STPG2: variants seen among roughly 807,000 people sequenced by gnomAD.
STPG2 encodes the protein sperm-tail PG-rich repeat-containing protein 2.
In STPG2, 56 loss-of-function variants were observed where a neutral mutation model predicts 54.2. That is an observed-to-expected ratio of 1.03 (90% CI 0.83 to 1.29). The LOEUF is 1.29. Among genes scored for constraint, STPG2 ranks in the 50% most tolerant of loss-of-function variants. The pLI, the probability that STPG2 is intolerant of heterozygous loss-of-function variation, is 0.00. For synonymous variants in STPG2, 200 were observed against 181.8 expected (o/e 1.10, Z -0.81); for missense variants, 596 against 544.9 (o/e 1.09, Z -0.93).
intron 4 of STPG2, among the ~76,000 whole-genome samples, chr4:97,538,456 A>C (rs1283803389): frequency 6.6e-6 from 1 of 152,244 alleles, no homozygotes; most frequent in Non-Finnish European, 1.5e-5. Flanking sequence ...TCGAAGATCA[A>C]ATGAATGAAA....
intron 4 of STPG2, among the ~76,000 whole-genome samples, chr4:97,506,467 G>C (rs115841178): frequency 6.6e-6 from 1 of 151,804 alleles, no homozygotes; most frequent in South Asian, 2.1e-4. Context: ...TGAAAAAATT[G>C]ATGTCAATAA....
At chr4:97,980,136 GA>G (rs150550239) in intron 6 of STPG2, among the ~76,000 whole-genome samples, 1,558 of 152,190 alleles carry the variant, frequency 0.01, 30 homozygotes, top group African/African-American at 0.036. Context: ...AGTGAACTAT[GA>G]TCATGCCACT....
intron 5 of STPG2, among the ~76,000 whole-genome samples, chr4:98,011,136 G>A (rs1422977172): frequency 6.6e-6 from 1 of 151,998 alleles, no homozygotes; most frequent in Non-Finnish European, 1.5e-5. Context: ...ACAGGCCCCA[G>A]TGTGTGTTTT....
chr4:97,568,791 T>C (rs1277135513), intron 10 of STPG2, among the ~76,000 whole-genome samples: 1 of 151,962 alleles, frequency 6.6e-6, no homozygotes, highest in Non-Finnish European at 1.5e-5. Context: ...CAACAAATGA[T>C]GGGTAGAGGC....
chr4:98,081,629 A>T (rs530447164), intron 5 of STPG2, among the ~76,000 whole-genome samples: 4 of 152,210 alleles, frequency 2.6e-5, no homozygotes, highest in Non-Finnish European at 5.9e-5. Flanking sequence ...GACGTGGCTA[A>T]ACACTTCATT....
At chr4:97,467,754 A>G (rs915458508) in intron 4 of STPG2, among the ~76,000 whole-genome samples, 14 of 151,866 alleles carry the variant, frequency 9.2e-5, no homozygotes, top group Non-Finnish European at 1.9e-4. Context: ...AAATAATTAG[A>G]TAGAGAGCAA....
intron 4 of STPG2, among the ~76,000 whole-genome samples, chr4:97,512,023 C>T (rs927543653): frequency 3.9e-5 from 6 of 151,908 alleles, no homozygotes; most frequent in African/African-American, 1.5e-4. Flanking sequence ...GCTGTTTTTT[C>T]AACTTTTTTT....
downstream of STPG2, among the ~76,000 whole-genome samples, chr4:97,555,205 G>A (rs974856714): frequency 6.6e-6 from 1 of 152,046 alleles, no homozygotes; most frequent in African/African-American, 2.4e-5. Context: ...GAGAACTATG[G>A]TAATTAAGCC....
At chr4:98,077,731 A>T (rs546218611) in intron 5 of STPG2, among the ~76,000 whole-genome samples, 1 of 152,316 alleles carries the variant, frequency 6.6e-6, no homozygotes, top group African/African-American at 2.4e-5. Flanking sequence ...ATAAATCCTA[A>T]GTGTCCAATT....
In STPG2 at chr4:97,604,280, AG is replaced by A. The variant is rs1197641783; in HGVS notation, c.1321-45164del. ...AGATGACATTTCAAAAATATTTTAT[AG>A]TATATCCACATTGAATTGAACTGGG... On this transcript the variant is annotated intron_variant, in intron 10 of 10. Coordinates refer to ENST00000295268, the MANE Select transcript of STPG2 (RefSeq NM_174952.3). Among the ~76,000 whole-genome samples, 3 of 151,838 alleles carry A rather than the reference AG, an allele frequency of 2.0e-5. No individual in the cohort carries two copies. In the East Asian group the frequency reaches 5.8e-4, roughly 29 times the overall value.
intron 5 of STPG2, among the ~76,000 whole-genome samples, chr4:98,032,856 C>T (rs1444216479): frequency 1.3e-5 from 2 of 152,012 alleles, no homozygotes; most frequent in African/African-American, 4.8e-5. Context: ...GGGTAAATAA[C>T]AAAATGAAGG....
intron 5 of STPG2, among the ~76,000 whole-genome samples, chr4:98,018,238 A>G (rs931435760): frequency 1.3e-5 from 2 of 151,912 alleles, no homozygotes; most frequent in African/African-American, 4.8e-5. Flanking sequence ...TCATTATTCA[A>G]TTCCCACCTA....
At chr4:97,707,442 G>A (rs192522799) in intron 10 of STPG2, among the ~76,000 whole-genome samples, 50 of 152,110 alleles carry the variant, frequency 3.3e-4, no homozygotes, top group Middle Eastern at 3.4e-3. Flanking sequence ...AATTACTTGC[G>A]CCTAGGAGGT....
chr4:98,112,159 G>A (rs528526539), intron 3 of STPG2, among the ~76,000 whole-genome samples: 2 of 152,042 alleles, frequency 1.3e-5, no homozygotes, highest in South Asian at 4.1e-4. Flanking sequence ...ACATAATGAT[G>A]TTTCAATGAT....
At chr4:97,577,930 T>C (rs1444988181) in intron 10 of STPG2, among the ~76,000 whole-genome samples, 1 of 152,086 alleles carries the variant, frequency 6.6e-6, no homozygotes, top group African/African-American at 2.4e-5. Context: ...ATCCAAAATA[T>C]ACTAAAGGTC....
At chr4:97,879,477 A>G (rs1011563973) in intron 8 of STPG2, among the ~76,000 whole-genome samples, 1 of 152,210 alleles carries the variant, frequency 6.6e-6, no homozygotes. Flanking sequence ...ACATGGCAGC[A>G]GACAAGAGAG....
At chr4:97,604,020 TC>T (rs1471155128) in intron 10 of STPG2, among the ~76,000 whole-genome samples, 3 of 151,738 alleles carry the variant, frequency 2.0e-5, no homozygotes, top group African/African-American at 4.8e-5. Flanking sequence ...TGAAAATTAA[TC>T]TTAAAATATA....
chr4:97,556,028 TC>T (rs1271494034), downstream of STPG2, among the ~76,000 whole-genome samples: 2 of 152,284 alleles, frequency 1.3e-5, no homozygotes, highest in East Asian at 3.9e-4. Context: ...AAGAATCTTA[TC>T]CTGCTTAAGA....
At chr4:97,612,732 C>T (rs1445081205) in intron 10 of STPG2, among the ~76,000 whole-genome samples, 1 of 151,946 alleles carries the variant, frequency 6.6e-6, no homozygotes, top group Non-Finnish European at 1.5e-5. Flanking sequence ...TGCCACACCA[C>T]GGATCTCAAT....
Sources: allele counts gnomAD v4.1 joint callset (sites outside exome capture counted in the v4.1 genomes callset), GRCh38; gene constraint gnomAD v4.1.1; transcripts MANE v1.5; gene names NCBI Gene and HGNC (gene_info 2026-07-23, HGNC 2026-07-21).